Variants in SET observed in about 807,000 individuals in gnomAD.
The protein encoded by SET is SET nuclear proto-oncogene.
A neutral mutation model predicts 39.0 loss-of-function variants in SET; 4 were observed. The observed-to-expected ratio is 0.10, with a 90% confidence interval of 0.05 to 0.23. The LOEUF (loss-of-function observed/expected upper bound fraction) is 0.23, where lower values mean the gene tolerates loss of function less well. SET is among the 10% of genes least tolerant of loss of function. The pLI is 1.00. For missense variants in SET, 137 were observed against 329.7 expected (o/e 0.42, Z 4.53); for synonymous variants, 114 against 115.9 (o/e 0.98, Z 0.11).
intron 2 of SET, 132 bp downstream of exon 2, chr9:128,691,359 T>C (rs573824573): frequency 2.4e-4 from 156 of 653,042 alleles, no homozygotes; most frequent in Middle Eastern, 1.7e-3. Context: ...GAAATACTTA[T>C]GTAGATTCAG....
At chr9:128,691,579 A>G (rs890967468) in intron 2 of SET, among the ~76,000 whole-genome samples, 1 of 152,178 alleles carries the variant, frequency 6.6e-6, no homozygotes, top group African/African-American at 2.4e-5. Flanking sequence ...GAGGGAAACA[A>G]TTGAAATTGG....
rs1403021566 is a variant in SET, at chr9:128,695,343, C to G, written c.*679C>G. 2 of 225,240 alleles carry G rather than the reference C, an allele frequency of 8.9e-6. No individual in the cohort carries two copies. Among genetic ancestry groups the G allele is most frequent in the Non-Finnish European group, 1.8e-5 (2 of 108,270 alleles). The allele number at this position is 225,240 out of a possible 1,614,324, so 14.0% of individuals were successfully genotyped here. A position where few individuals can be genotyped will look rare whatever the true frequency, so the allele number is the denominator to read the frequency against. Reference sequence around the variant, plus strand: ...TTCTCTCCTAATGATGACTTGAGCCCTGCCACTCAATGGGAGAATCAGCAG... The same window carrying G: ...TTCTCTCCTAATGATGACTTGAGCCGTGCCACTCAATGGGAGAATCAGCAG... On this transcript the variant is annotated 3_prime_UTR_variant, in exon 8 of 8. Coordinates refer to ENST00000322030, the MANE Select transcript of SET (RefSeq NM_003011.4).
upstream of SET, among the ~76,000 whole-genome samples, chr9:128,684,584 G>A (rs529324262): frequency 2.0e-5 from 3 of 151,988 alleles, no homozygotes; most frequent in South Asian, 4.2e-4. Context: ...TCTCTGGCCC[G>A]CCAACCCGGT....
At chr9:128,691,707 G>A in intron 2 of SET, 151 bp from the exon 3 acceptor site, 1 of 764,574 alleles carries the variant, frequency 1.3e-6, no homozygotes, top group Non-Finnish European at 2.1e-6. Context: ...TGCCATCTTA[G>A]TTTTGAGTGT....
chr9:128,692,524 G>C, intron 3 of SET, 138 bp from the exon 4 acceptor site: 1 of 610,666 alleles, frequency 1.6e-6, no homozygotes, highest in Admixed American at 2.8e-5. Flanking sequence ...CTGATATTGA[G>C]CAATTGCCTT....
At position 128,684,113 on chromosome 9, in the gene SET, C is replaced by A. The variant is rs200269187; in HGVS notation, c.112+106C>A. 45 of 884,636 alleles carry A rather than the reference C, an allele frequency of 5.1e-5. No individual in the cohort carries two copies. The East Asian group carries it at 7.6e-4, about 15-fold the overall frequency. 54.8% of individuals were successfully genotyped at this position (884,636 alleles called of 1,614,324 possible). On this transcript the variant is annotated intron_variant, in intron 1 of 7. Coordinates refer to the SET transcript ENST00000372692. ...CTTGAGATGTGACCCCTAAGCACCC[C>A]CAAAGGGTTTTAAACCTGGGATGGT...
chr9:128,692,413 A>C (rs1268919124), intron 3 of SET: 1 of 259,350 alleles, frequency 3.9e-6, no homozygotes. Flanking sequence ...AAAAAAAAAA[A>C]AAAAAAAAAC....
At position 128,694,903 on chromosome 9, in the gene SET, T is replaced by A. The variant is rs1476722898; in HGVS notation, c.*239T>A. ...CTGTTCGAAGTTCATTTTTATCCCT[T>A]CCTGTCTGAACAAAAACTGTATGGA... On this transcript the variant is annotated 3_prime_UTR_variant, in exon 8 of 8. Coordinates refer to ENST00000322030, the MANE Select transcript of SET (RefSeq NM_003011.4). 2 of 383,312 alleles carry A rather than the reference T, an allele frequency of 5.2e-6. No homozygotes were observed. Among genetic ancestry groups the A allele is most frequent in the Non-Finnish European group, 4.6e-6 (1 of 216,286 alleles). 23.7% of individuals were successfully genotyped at this position (383,312 alleles called of 1,614,324 possible). A position where few individuals can be genotyped will look rare whatever the true frequency, so the allele number is the denominator to read the frequency against.
In SET at chr9:128,689,385, G is replaced by A; in HGVS notation, c.-198G>A. 1 of 963,960 alleles carries A rather than the reference G, an allele frequency of 1.0e-6. No individual in the cohort carries two copies. The highest frequency in any genetic ancestry group is 6.0e-5 in the East Asian group (1 of 16,614). The allele number at this position is 963,960 out of a possible 1,614,324, so 59.7% of individuals were successfully genotyped here. A position where few individuals can be genotyped will look rare whatever the true frequency, so the allele number is the denominator to read the frequency against. ...GGCCGGGGCCCGGCACGCCGCCCCA[G>A]CCCGTCCCTCGGCGTCAGGCCGCGA... On this transcript the variant is annotated 5_prime_UTR_variant, in exon 1 of 8. Coordinates refer to ENST00000322030, the MANE Select transcript of SET (RefSeq NM_003011.4).
Position 128,692,879 on chromosome 9 carries a change from A to G in SET, c.390A>G (p.Glu130=). The G allele has an allele frequency of 6.3e-7, 1 of 1,585,166 alleles. No individual in the cohort carries two copies. The highest frequency in any genetic ancestry group is 8.7e-7 in the Non-Finnish European group (1 of 1,155,072). Residue 130 remains glutamate, a synonymous_variant, in exon 5 of 8, where the codon GAA becomes GAG. Transcript: ENST00000322030. ...ATTATTTATTACAGTATTTTGATGA[A>G]AATCCTTACTTTGAAAATAAAGTTC... ...SGYRIDFYFD[E]NPYFENKVLS...
At position 128,689,421 on chromosome 9, in the gene SET, C is replaced by CGCGA. The variant is rs953279378; in HGVS notation, c.-152_-149dup. ...GGCGTCAGGCCGCGAGGGTAGCGCG[C>CGCGA]GCGAGCGAGCGAGGGGGAGGGAGAG... On this transcript the variant is annotated 5_prime_UTR_variant, in exon 1 of 8. Coordinates refer to ENST00000322030, the MANE Select transcript of SET (RefSeq NM_003011.4). 9 of 574,318 alleles carry CGCGA rather than the reference C, an allele frequency of 1.6e-5. No homozygotes were observed. The South Asian group carries it at 2.4e-4, about 15-fold the overall frequency. The allele number at this position is 574,318 out of a possible 1,614,324, so 35.6% of individuals were successfully genotyped here. A position where few individuals can be genotyped will look rare whatever the true frequency, so the allele number is the denominator to read the frequency against.
At chr9:128,693,098 T>C (rs766680302) in intron 5 of SET, 117 bp downstream of exon 5, 4 of 699,742 alleles carry the variant, frequency 5.7e-6, no homozygotes, top group East Asian at 2.7e-5. Flanking sequence ...CCTTAAAATA[T>C]AAAACGTTCC....
chr9:128,692,391 C>CT lies in SET; in HGVS notation c.275-270dup, dbSNP rs1248429674. ...TCCAGCCTGGGCGACAAGAGTGAGA[C>CT]TGTTTCAAAAAAAAAAAAAAAAAAA... On this transcript the variant is annotated intron_variant, in intron 3 of 7. Transcript: ENST00000322030. 8.1e-5 allele frequency: 11 copies of CT among 135,382 alleles called. No homozygotes were observed. In the East Asian group the frequency reaches 1.9e-3, roughly 23 times the overall value. 8.4% of individuals were successfully genotyped at this position (135,382 alleles called of 1,614,324 possible). A position where few individuals can be genotyped will look rare whatever the true frequency, so the allele number is the denominator to read the frequency against.
At chr9:128,691,601 A>C (rs1328426469) in intron 2 of SET, among the ~76,000 whole-genome samples, 1 of 152,198 alleles carries the variant, frequency 6.6e-6, no homozygotes, top group Non-Finnish European at 1.5e-5. Context: ...CTGGAAATGG[A>C]GTGGGCGAAG....
intron 7 of SET, 150 bp from the exon 8 acceptor site, chr9:128,694,491 A>G (rs1055012310): frequency 1.5e-5 from 8 of 534,010 alleles, no homozygotes; most frequent in South Asian, 7.5e-5. Flanking sequence ...ATCTGAAGCA[A>G]CATCATCACG....
intron 1 of SET, chr9:128,690,146 G>C: frequency 5.3e-6 from 1 of 188,752 alleles, no homozygotes; most frequent in Non-Finnish European, 9.8e-6. Context: ...TCTGCCTGGA[G>C]CTCGGGTGGG....
upstream of SET, chr9:128,685,069 G>A: frequency 2.0e-6 from 3 of 1,526,950 alleles, no homozygotes; most frequent in Non-Finnish European, 2.6e-6. Flanking sequence ...GCTGAGGGCA[G>A]GCAACTCTTA....
chr9:128,684,978 T>G, upstream of SET: 2 of 1,396,140 alleles, frequency 1.4e-6, no homozygotes, highest in Non-Finnish European at 1.9e-6. Flanking sequence ...GTCTGGCTCA[T>G]AGGGGAGGGT....
chr9:128,684,321 C>T (rs529205949), upstream of SET, among the ~76,000 whole-genome samples: 34 of 152,110 alleles, frequency 2.2e-4, no homozygotes, highest in Non-Finnish European at 4.4e-4. Flanking sequence ...GCCCCTCCTT[C>T]ACCCCTCCAC....
Sources: gnomAD v4.1 joint callset for allele counts (sites outside exome capture counted in the v4.1 genomes callset) on GRCh38, gnomAD v4.1.1 for gene constraint, MANE v1.5 for transcripts, NCBI Gene and HGNC (gene_info 2026-07-23, HGNC 2026-07-21) for gene names.